The following PLAGL1 variants were observed in gnomAD, a reference collection of about 807,000 sequenced individuals.
PLAGL1 encodes the protein zinc finger protein PLAGL1.
Under a neutral mutation model 4.6 loss-of-function variants are expected in PLAGL1, and 1 was observed. The observed-to-expected ratio is 0.22, with a 90% CI of 0.08 to 1.03. The LOEUF (loss-of-function observed/expected upper bound fraction) is 1.03, where lower values mean the gene tolerates loss of function less well. Ranked by LOEUF, PLAGL1 falls within the 50% of genes least tolerant of loss-of-function variation. The pLI is 0.58. For missense variants in PLAGL1, 464 were observed against 570.4 expected (o/e 0.81, Z 1.90); for synonymous variants, 240 against 237.8 (o/e 1.01, Z -0.08).
chr6:144,016,207 G>A lies in PLAGL1; in HGVS notation c.-150-47229C>T, dbSNP rs962210395. ...CAATAGGCTGTCTGCAAGCTGAGGA[G>A]AAAGGAGAGCCAGTCCGAGTCCCAA... On this transcript the variant is annotated intron_variant, in intron 1 of 3. Transcript: ENST00000437412. The surrounding 1 kb of genome is among the most constrained non-coding windows in gnomAD (Gnocchi z 4.2). 3.3e-5 allele frequency among the ~76,000 whole-genome samples: 5 copies of A among 152,146 alleles called. No individual in the cohort carries two copies. Among genetic ancestry groups the A allele is most frequent in the Non-Finnish European group, 5.9e-5 (4 of 68,030 alleles).
chr6:144,041,652 G>A (rs769215964), intron 1 of PLAGL1, among the ~76,000 whole-genome samples: 1 of 152,114 alleles, frequency 6.6e-6, no homozygotes, highest in Non-Finnish European at 1.5e-5. Flanking sequence ...TACAATATCT[G>A]CATGTGTCTT....
rs1054711271 is a variant in PLAGL1, at chr6:144,004,045, T to A, written c.-584+4045A>T. Among the ~76,000 whole-genome samples the A allele has an allele frequency of 3.9e-5, 6 of 152,242 alleles. No individual in the cohort carries two copies. Among genetic ancestry groups the A allele is most frequent in the Non-Finnish European group, 8.8e-5 (6 of 68,036 alleles). ...AAATTGCTCATATTATATATCCACATAATGTAATACCGTAGAAGAGGTGTC... is the reference window on the plus strand; with the variant it reads ...AAATTGCTCATATTATATATCCACAAAATGTAATACCGTAGAAGAGGTGTC... On this transcript the variant is annotated intron_variant, in intron 1 of 7. Transcript: ENST00000674357. The surrounding 1 kb of genome is among the most constrained non-coding windows in gnomAD (Gnocchi z 4.2).
rs1788133561 is a variant in PLAGL1 at position 143,982,310 on chromosome 6, T to C, written c.-544+2825A>G. Among the ~76,000 whole-genome samples, 1 of 152,136 alleles carries C rather than the reference T, an allele frequency of 6.6e-6. No homozygotes were observed. Among genetic ancestry groups the C allele is most frequent in the Non-Finnish European group, 1.5e-5 (1 of 68,010 alleles). On this transcript the variant is annotated intron_variant, in intron 2 of 7. Coordinates refer to ENST00000674357, the MANE Select transcript of PLAGL1 (RefSeq NM_001317162.2). The surrounding 1 kb of genome is among the most constrained non-coding windows in gnomAD (Gnocchi z 5.3). ...CTGAAGGAGGTAAGGATGTAAGTCA[T>C]GTGGCTATTTCTGGGTACAATAATT...
Position 143,948,846 on chromosome 6 carries a change from A to C in PLAGL1, c.-324-386T>G, listed in dbSNP as rs1780391282. 6.6e-6 allele frequency among the ~76,000 whole-genome samples: 1 copy of C among 152,212 alleles called. No homozygotes were observed. The highest frequency in any genetic ancestry group is 1.5e-5 in the Non-Finnish European group (1 of 68,034). On this transcript the variant is annotated intron_variant, in intron 6 of 7. Transcript: ENST00000674357. The surrounding 1 kb of genome is among the most constrained non-coding windows in gnomAD (Gnocchi z 6.0). Reference sequence around the variant, plus strand: ...CAAGTGTTTTTACTGGTCCATAAACAAAAATCACCCACACTTACTCAAACC... The same window carrying C: ...CAAGTGTTTTTACTGGTCCATAAACCAAAATCACCCACACTTACTCAAACC...
At chr6:144,044,263 T>C (rs1797958192) in intron 1 of PLAGL1, among the ~76,000 whole-genome samples, 1 of 152,230 alleles carries the variant, frequency 6.6e-6, no homozygotes, top group Non-Finnish European at 1.5e-5. Context: ...CTTTTAACTG[T>C]GATGTTAGGG....
upstream of PLAGL1, among the ~76,000 whole-genome samples, chr6:144,012,371 AC>A (rs1164548106): frequency 2.0e-5 from 3 of 151,490 alleles, no homozygotes; most frequent in Admixed American, 2.0e-4. This position sits in a 1 kb window ranked among gnomAD's most constrained non-coding sequence, Gnocchi z 4.8. Flanking sequence ...CACCATCACA[AC>A]CGGCTAATTT....
At chr6:143,986,425 GC>G (rs1789178080) in intron 1 of PLAGL1, among the ~76,000 whole-genome samples, 1 of 152,072 alleles carries the variant, frequency 6.6e-6, no homozygotes, top group African/African-American at 2.4e-5. Flanking sequence ...CTGTTCACCA[GC>G]CCTAAAAAGA....
chr6:144,003,322 G>A (rs906745397), intron 1 of PLAGL1, among the ~76,000 whole-genome samples: 3 of 152,096 alleles, frequency 2.0e-5, no homozygotes, highest in Non-Finnish European at 4.4e-5. Flanking sequence ...AAAGGCAAAT[G>A]TCTTCAAAAT....
Position 144,063,490 on chromosome 6 carries a change from T to C in PLAGL1, c.-151+978A>G, listed in dbSNP as rs1799594434. Among the ~76,000 whole-genome samples, 1 of 152,182 alleles carries C rather than the reference T, an allele frequency of 6.6e-6. No individual in the cohort carries two copies. Among genetic ancestry groups the C allele is most frequent in the South Asian group, 2.1e-4 (1 of 4,828 alleles). On this transcript the variant is annotated intron_variant, in intron 1 of 3. Coordinates refer to the PLAGL1 transcript ENST00000437412. This position sits in a 1 kb window ranked among gnomAD's most constrained non-coding sequence, Gnocchi z 5.7. The stretch of plus-strand genomic sequence containing the variant: ...GTGTTCTGAAAAGCTCTCCTGGTGC[T>C]TCTGGGAGGCGCCTCGGGTTAGGCA...
rs566483454 is a variant in PLAGL1, at chr6:144,000,096, A to C, written c.-584+7994T>G. Among the ~76,000 whole-genome samples, 1 of 152,326 alleles carries C rather than the reference A, an allele frequency of 6.6e-6. No homozygotes were observed. Among genetic ancestry groups the C allele is most frequent in the Non-Finnish European group, 1.5e-5 (1 of 68,008 alleles). ...GAAAAAATACTTAATAAAATCCAAT[A>C]CAATTCATGATATAAAACTCTTAGA... On this transcript the variant is annotated intron_variant, in intron 1 of 7. Coordinates refer to ENST00000674357, the MANE Select transcript of PLAGL1 (RefSeq NM_001317162.2). This position sits in a 1 kb window ranked among gnomAD's most constrained non-coding sequence, Gnocchi z 4.1.
rs1425718383 is a variant in PLAGL1 at position 143,995,269 on chromosome 6, A to C, written c.-583-10095T>G. Among the ~76,000 whole-genome samples, 1 of 152,210 alleles carries C rather than the reference A, an allele frequency of 6.6e-6. No individual in the cohort carries two copies. Among genetic ancestry groups the C allele is most frequent in the Non-Finnish European group, 1.5e-5 (1 of 68,030 alleles). ...TTAAAGTTAATTAATAAAAAGCTTA[A>C]ACTTCAGTATTATGCAGATTATTTG... On this transcript the variant is annotated intron_variant, in intron 1 of 7. Coordinates refer to ENST00000674357, the MANE Select transcript of PLAGL1 (RefSeq NM_001317162.2). This position sits in a 1 kb window ranked among gnomAD's most constrained non-coding sequence, Gnocchi z 4.4.
At chr6:144,062,263 G>A (rs186903520) in intron 1 of PLAGL1, among the ~76,000 whole-genome samples, 1 of 151,922 alleles carries the variant, frequency 6.6e-6, no homozygotes, top group African/African-American at 2.4e-5. Context: ...TGTAGTCCCA[G>A]CTACTTGGGA....
At chr6:144,041,472 G>C (rs531769384) in intron 1 of PLAGL1, among the ~76,000 whole-genome samples, 2 of 152,022 alleles carry the variant, frequency 1.3e-5, no homozygotes, top group East Asian at 3.9e-4. Context: ...TCAGAATGAT[G>C]GTTTCCAGCT....
Position 143,980,737 on chromosome 6 carries a change from G to A in PLAGL1, c.-544+4398C>T, listed in dbSNP as rs115215253. Among the ~76,000 whole-genome samples, 599 of 152,134 alleles carry A rather than the reference G, an allele frequency of 3.9e-3. 5 individuals carry two copies. The highest frequency in any genetic ancestry group is 0.014 in the African/African-American group (579 of 41,500). On this transcript the variant is annotated intron_variant, in intron 2 of 7. Coordinates refer to ENST00000674357, the MANE Select transcript of PLAGL1 (RefSeq NM_001317162.2). ...CACTGTTGAATTTTCCTGCTTCTCTGCACATCTGGTAAATTCTGACTGAAT... is the reference window on the plus strand; with the variant it reads ...CACTGTTGAATTTTCCTGCTTCTCTACACATCTGGTAAATTCTGACTGAAT...
rs569507070 is a variant in PLAGL1, at chr6:143,997,099, A to G, written c.-584+10991T>C. Among the ~76,000 whole-genome samples the G allele has an allele frequency of 6.6e-6, 1 of 152,222 alleles. No homozygotes were observed. Among genetic ancestry groups the G allele is most frequent in the African/African-American group, 2.4e-5 (1 of 41,460 alleles). ...AGGAAATGCACATGAAAACCATGAG[A>G]CCATGAAGCCATGAGATATCACCTC... is the stretch of plus-strand genomic sequence containing the variant. On this transcript the variant is annotated intron_variant, in intron 1 of 7. Transcript: ENST00000674357. The surrounding 1 kb of genome is among the most constrained non-coding windows in gnomAD (Gnocchi z 4.6).
upstream of PLAGL1, among the ~76,000 whole-genome samples, chr6:144,011,140 A>T (rs1283835377): frequency 6.6e-6 from 1 of 152,232 alleles, no homozygotes; most frequent in African/African-American, 2.4e-5. The surrounding 1 kb of genome is among the most constrained non-coding windows in gnomAD (Gnocchi z 4.3). Context: ...CTGCACACCA[A>T]AAGAAACTAT....
At chr6:144,003,766 G>C (rs566163092) in intron 1 of PLAGL1, among the ~76,000 whole-genome samples, 1 of 152,008 alleles carries the variant, frequency 6.6e-6, no homozygotes, top group Non-Finnish European at 1.5e-5. Context: ...TTTAAAAAAT[G>C]GGCAAAATAT....
At position 143,947,323 on chromosome 6, in the gene PLAGL1, G is replaced by A. The variant is rs113268295; in HGVS notation, c.152+662C>T. Among the ~76,000 whole-genome samples the A allele has an allele frequency of 6.6e-6, 1 of 152,196 alleles. No homozygotes were observed. The highest frequency in any genetic ancestry group is 6.5e-5 in the Admixed American group (1 of 15,272). ...CCCACATTTCATCCCTGGACTCTGA[G>A]AGCAGGTTTCAAATCAGCCTTCCTG... is the stretch of plus-strand genomic sequence containing the variant. On this transcript the variant is annotated intron_variant, in intron 7 of 7. Coordinates refer to ENST00000674357, the MANE Select transcript of PLAGL1 (RefSeq NM_001317162.2). This position sits in a 1 kb window ranked among gnomAD's most constrained non-coding sequence, Gnocchi z 4.3.
chr6:144,046,834 G>C (rs910210179), intron 1 of PLAGL1, among the ~76,000 whole-genome samples: 1 of 152,200 alleles, frequency 6.6e-6, no homozygotes, highest in Non-Finnish European at 1.5e-5. Context: ...GCCTCATTGA[G>C]CTGCGGGTGG....
Sources: allele counts gnomAD v4.1 joint callset (sites outside exome capture counted in the v4.1 genomes callset), GRCh38; gene constraint gnomAD v4.1.1; non-coding constraint Gnocchi (gnomAD v3.1); transcripts MANE v1.5; gene names NCBI Gene and HGNC (gene_info 2026-07-23, HGNC 2026-07-21).